Variants in INO80 observed in about 807,000 individuals in gnomAD.
The protein encoded by INO80 is chromatin-remodeling ATPase INO80.
In INO80, 20 loss-of-function variants were observed where a neutral mutation model predicts 203.4. That is an observed-to-expected ratio of 0.10 (90% CI 0.07 to 0.14). The LOEUF is 0.14. Among genes scored for constraint, INO80 ranks in the 10% least tolerant of loss-of-function variants. INO80 has a pLI of 1.00. For missense variants in INO80, 1,419 were observed against 1,914.4 expected, an observed-to-expected ratio of 0.74 and a Z score of 4.83; for synonymous variants, 726 against 685.2, an observed-to-expected ratio of 1.06 and a Z score of -0.93.
At position 41,078,577 on chromosome 15, in the gene INO80, T is replaced by A. The variant is rs139541723; in HGVS notation, c.1131+1124A>T. Among the ~76,000 whole-genome samples, 404 of 152,298 alleles carry A rather than the reference T, an allele frequency of 2.7e-3. 1 individual carries two copies. Among genetic ancestry groups the A allele is most frequent in the African/African-American group, 9.0e-3 (375 of 41,566 alleles). On this transcript the variant is annotated intron_variant, in intron 9 of 35. Coordinates refer to ENST00000648947, the MANE Select transcript of INO80 (RefSeq NM_017553.3). ...AAATCCATCTTCATTCTCGAAGTCA[T>A]GATAAAATAAGGGAAGATCAAGAGC...
At chr15:41,004,182 C>A (rs543520375) in intron 28 of INO80, among the ~76,000 whole-genome samples, 1 of 152,096 alleles carries the variant, frequency 6.6e-6, no homozygotes, top group East Asian at 1.9e-4. Flanking sequence ...CACAGCTGCA[C>A]GAGGGTAACA....
At chr15:40,999,118 G>GT (rs2043923449) in intron 28 of INO80, among the ~76,000 whole-genome samples, 1 of 151,930 alleles carries the variant, frequency 6.6e-6, no homozygotes, top group African/African-American at 2.4e-5. Context: ...GGTCATAAAG[G>GT]TAAGTAATGT....
chr15:40,991,354 G>A (rs1022231631), intron 29 of INO80, among the ~76,000 whole-genome samples: 1 of 152,032 alleles, frequency 6.6e-6, no homozygotes, highest in African/African-American at 2.4e-5. Context: ...AAGAGTGAGA[G>A]AACTAAAAAC....
In INO80 at chr15:41,055,794, T is replaced by C. The variant is rs191031308; in HGVS notation, c.2071-430A>G. On this transcript the variant is annotated intron_variant, in intron 17 of 35. Coordinates refer to ENST00000648947, the MANE Select transcript of INO80 (RefSeq NM_017553.3). ...TACCACTATTTTAAATCAAGTTTTA[T>C]TGAAACATAGCCATGGCCATTCACT... 1.3e-3 allele frequency among the ~76,000 whole-genome samples: 205 copies of C among 152,328 alleles called. 1 individual carries two copies. The highest frequency in any genetic ancestry group is 4.8e-3 in the South Asian group (23 of 4,828).
intron 19 of INO80, among the ~76,000 whole-genome samples, chr15:41,052,698 A>T (rs1004168504): frequency 6.9e-6 from 1 of 145,116 alleles, no homozygotes; most frequent in African/African-American, 2.7e-5. Flanking sequence ...AAAAAAAAAA[A>T]ATACAAGGGG....
intron 18 of INO80, among the ~76,000 whole-genome samples, chr15:41,054,750 C>T (rs576964162): frequency 3.3e-5 from 5 of 152,234 alleles, no homozygotes; most frequent in South Asian, 4.1e-4. Context: ...GCGATTCACC[C>T]GCCTCAGCCT....
At chr15:40,984,576 A>G (rs1299255216) in intron 32 of INO80, among the ~76,000 whole-genome samples, 1 of 151,898 alleles carries the variant, frequency 6.6e-6, no homozygotes, top group African/African-American at 2.4e-5. Flanking sequence ...AATTCCAACT[A>G]CTTAGGCTGA....
chr15:41,021,162 G>A (rs770929151), intron 25 of INO80, 37 bp from the exon 26 acceptor site: 15 of 1,434,986 alleles, frequency 1.0e-5, no homozygotes, highest in South Asian at 8.1e-5. Context: ...GCTCTTTCAC[G>A]TTGTCCATAC....
Position 41,060,977 on chromosome 15 carries a change from C to T in INO80, c.1783-1051G>A, listed in dbSNP as rs574580429. On this transcript the variant is annotated intron_variant, in intron 14 of 35. Transcript: ENST00000648947. ...GAAAGCCTACATGAAAGAAAGATAACGTACACAGAGGAGATTAAAATAATA... is the reference window on the plus strand; with the variant it reads ...GAAAGCCTACATGAAAGAAAGATAATGTACACAGAGGAGATTAAAATAATA... Among the ~76,000 whole-genome samples the T allele has an allele frequency of 1.8e-4, 28 of 152,170 alleles. No homozygotes were observed. The East Asian group carries it at 4.1e-3, about 22-fold the overall frequency.
chr15:41,008,960 G>C (rs2044092682), intron 27 of INO80, among the ~76,000 whole-genome samples: 1 of 152,118 alleles, frequency 6.6e-6, no homozygotes, highest in Non-Finnish European at 1.5e-5. Flanking sequence ...CAGTCTCCCA[G>C]GTAGCTGGAT....
chr15:41,003,361 C>G (rs1252340670), intron 28 of INO80, among the ~76,000 whole-genome samples: 1 of 110,496 alleles, frequency 9.1e-6, no homozygotes. Context: ...GATGGAGTCT[C>G]GCTCTGTCAC....
At chr15:41,034,383 G>A (rs890385940) in intron 24 of INO80, among the ~76,000 whole-genome samples, 10 of 152,110 alleles carry the variant, frequency 6.6e-5, no homozygotes, top group Admixed American at 6.5e-4. Context: ...TGCTGAATAT[G>A]GCTCAGGTAG....
intron 24 of INO80, among the ~76,000 whole-genome samples, chr15:41,034,655 C>T (rs184319223): frequency 8.5e-5 from 13 of 152,276 alleles, no homozygotes; most frequent in African/African-American, 2.9e-4. Flanking sequence ...CTTGTTAGCT[C>T]CAAAGGAGCT....
intron 35 of INO80, among the ~76,000 whole-genome samples, chr15:40,980,801 T>C (rs1374911818): frequency 2.0e-5 from 3 of 152,164 alleles, no homozygotes; most frequent in Non-Finnish European, 4.4e-5. Context: ...GTTTTTCCTT[T>C]CTTCTTTCTT....
intron 1 of INO80, among the ~76,000 whole-genome samples, chr15:41,112,224 T>C (rs1596335553): frequency 6.6e-6 from 1 of 152,164 alleles, no homozygotes; most frequent in Admixed American, 6.6e-5. Flanking sequence ...CAAAATATTT[T>C]TGGGGAAGGC....
At chr15:40,993,427 G>T (rs1397839722) in intron 29 of INO80, among the ~76,000 whole-genome samples, 1 of 152,112 alleles carries the variant, frequency 6.6e-6, no homozygotes, top group African/African-American at 2.4e-5. Context: ...ACCTCATACA[G>T]CCTCTTAAAT....
intron 24 of INO80, among the ~76,000 whole-genome samples, chr15:41,041,442 T>TC (rs1555402050): frequency 8.5e-4 from 129 of 151,496 alleles, no homozygotes; most frequent in African/African-American, 2.9e-3. Context: ...TTTTTTTTTT[T>TC]TTTCTTTCTT....
At chr15:41,024,902 C>T (rs914140273) in intron 25 of INO80, among the ~76,000 whole-genome samples, 1 of 152,128 alleles carries the variant, frequency 6.6e-6, no homozygotes, top group African/African-American at 2.4e-5. Flanking sequence ...GAAATTTTGC[C>T]TTATTCACTG....
Position 41,016,049 on chromosome 15 carries a change from T to C in INO80, c.3402+39A>G, listed in dbSNP as rs1228595964. ...GGACATCTGATTCCTACAAATTAAATGTCAAGGTATCCTAGGTCCCCAAGA... is the reference window on the plus strand; with the variant it reads ...GGACATCTGATTCCTACAAATTAAACGTCAAGGTATCCTAGGTCCCCAAGA... On this transcript the variant is annotated intron_variant, in intron 27 of 35. Coordinates refer to ENST00000648947, the MANE Select transcript of INO80 (RefSeq NM_017553.3). 21 of 1,560,238 alleles carry C rather than the reference T, an allele frequency of 1.3e-5. 1 individual carries two copies. The Admixed American group carries it at 3.6e-4, about 27-fold the overall frequency.
Sources: allele counts gnomAD v4.1 joint callset (sites outside exome capture counted in the v4.1 genomes callset), GRCh38; gene constraint gnomAD v4.1.1; transcripts MANE v1.5; gene names NCBI Gene and HGNC (gene_info 2026-07-23, HGNC 2026-07-21).